TRPM4: variants seen among roughly 807,000 people sequenced by gnomAD.
TRPM4 encodes transient receptor potential cation channel subfamily M member 4.
A neutral mutation model predicts 135.6 loss-of-function variants in TRPM4; 124 were observed. The ratio of observed to expected loss-of-function variants is 0.91; its 90% confidence interval spans 0.79 to 1.06. The LOEUF is 1.06. Ranked by LOEUF, TRPM4 falls within the 50% of genes least tolerant of loss-of-function variation. The probability of loss-of-function intolerance (pLI) is 0.00; values close to 1 mark genes in which losing one functional copy is unlikely to be tolerated. For missense variants in TRPM4, 1,658 were observed against 1,671.4 expected (o/e 0.99, Z 0.14); for synonymous variants, 745 against 705.6 (o/e 1.06, Z -0.88).
intron 3 of TRPM4, 118 bp downstream of exon 3, chr19:49,166,333 C>T (rs1367808971): frequency 2.7e-6 from 3 of 1,094,006 alleles, no homozygotes; most frequent in South Asian, 1.6e-5. Flanking sequence ...CCTGTCTTGG[C>T]TCTCTTTGTC....
At chr19:49,205,484 TA>T (rs1568493881) in intron 20 of TRPM4, among the ~76,000 whole-genome samples, 1 of 151,644 alleles carries the variant, frequency 6.6e-6, no homozygotes, top group Non-Finnish European at 1.5e-5. Flanking sequence ...ATAAAAAATT[TA>T]AAAAGGTCTC....
At chr19:49,178,216 G>A (rs1050296392) in intron 9 of TRPM4, among the ~76,000 whole-genome samples, 1 of 152,070 alleles carries the variant, frequency 6.6e-6, no homozygotes, top group Admixed American at 6.6e-5. Context: ...CCAGCTACTC[G>A]GGAGGCTGAG....
At chr19:49,179,966 G>A (rs7251351) in intron 9 of TRPM4, among the ~76,000 whole-genome samples, 50,928 of 151,898 alleles carry the variant, frequency 0.34, 8,816 homozygotes, top group African/African-American at 0.41. Flanking sequence ...AATAGATGAG[G>A]AAACTGAGGC....
At chr19:49,169,811 G>T (rs943753282) in intron 6 of TRPM4, among the ~76,000 whole-genome samples, 3 of 152,112 alleles carry the variant, frequency 2.0e-5, no homozygotes, top group African/African-American at 4.8e-5. Context: ...ACCTGCCTCA[G>T]CCTCCCAAAG....
chr19:49,163,248 T>A (rs909787272), intron 2 of TRPM4, among the ~76,000 whole-genome samples: 1 of 150,918 alleles, frequency 6.6e-6, no homozygotes, highest in Non-Finnish European at 1.5e-5. Context: ...CAGGCTGGAG[T>A]GCAGTGGCAC....
chr19:49,200,161 T>C, intron 17 of TRPM4, 139 bp from the exon 18 acceptor site: 2 of 1,327,668 alleles, frequency 1.5e-6, no homozygotes, highest in Non-Finnish European at 2.1e-6. Context: ...TAAATTTGAG[T>C]AAACCCCGGG....
At chr19:49,163,410 G>T (rs1967046061) in intron 2 of TRPM4, among the ~76,000 whole-genome samples, 1 of 151,490 alleles carries the variant, frequency 6.6e-6, no homozygotes, top group Admixed American at 6.6e-5. Flanking sequence ...TGGCCAGGCT[G>T]GTCTCGAACT....
At position 49,196,885 on chromosome 19, in the gene TRPM4, CG is replaced by C; in HGVS notation, c.2645+15del. 6.4e-7 allele frequency: 1 copy of C among 1,568,206 alleles called. No individual in the cohort carries two copies. The highest frequency in any genetic ancestry group is 1.8e-5 in the Admixed American group (1 of 56,040). On this transcript the variant is annotated intron_variant, in intron 17 of 24. Transcript: ENST00000252826. ...GGGCGTGGGCTGCCGGTGAGTGCCCCGGGGCCTTGGAACCCTGGCCCCTGGC... is the reference window on the plus strand; with the variant it reads ...GGGCGTGGGCTGCCGGTGAGTGCCCCGGGCCTTGGAACCCTGGCCCCTGGC...
intron 9 of TRPM4, among the ~76,000 whole-genome samples, chr19:49,173,854 C>T (rs928540310): frequency 5.9e-5 from 9 of 151,844 alleles, no homozygotes; most frequent in African/African-American, 1.5e-4. Context: ...TTTTTTTGTA[C>T]AGACGAGGTC....
At chr19:49,195,382 A>C (rs939943252) in intron 16 of TRPM4, among the ~76,000 whole-genome samples, 23 of 150,780 alleles carry the variant, frequency 1.5e-4, no homozygotes, top group African/African-American at 1.2e-4. Context: ...TTATTTTTTT[A>C]TTTTTTGAGA....
intron 19 of TRPM4, among the ~76,000 whole-genome samples, chr19:49,201,414 A>G (rs539327276): frequency 5.5e-4 from 84 of 152,368 alleles, no homozygotes; most frequent in African/African-American, 2.0e-3. Flanking sequence ...TTGAACCAGT[A>G]TAAGTATGTC....
chr19:49,200,592 C>G lies in TRPM4; in HGVS notation c.2779-19C>G. Reference sequence around the variant, plus strand: ...GAGTAGGAAAGGGCGGGGCCAGACTCAGCCACATCTCCCCACAGATGAAGG... The same window carrying G: ...GAGTAGGAAAGGGCGGGGCCAGACTGAGCCACATCTCCCCACAGATGAAGG... On this transcript the variant is annotated intron_variant, in intron 18 of 24. Transcript: ENST00000252826. The G allele has an allele frequency of 1.2e-6, 2 of 1,610,704 alleles. No individual in the cohort carries two copies. The highest frequency in any genetic ancestry group is 1.7e-6 in the Non-Finnish European group (2 of 1,179,976).
At position 49,171,275 on chromosome 19, in the gene TRPM4, G is replaced by T; in HGVS notation, c.797-82G>T. 1.4e-6 allele frequency: 2 copies of T among 1,467,746 alleles called. No individual in the cohort carries two copies. The highest frequency in any genetic ancestry group is 1.1e-5 in the South Asian group (1 of 88,032). The allele number at this position is 1,467,746 out of a possible 1,614,324, so 90.9% of individuals were successfully genotyped here. ...GATTAGGACAAGGCTGATGTTTGCC[G>T]ACTCCTGGGAAATGCGGTTTTCTCC... On this transcript the variant is annotated intron_variant, in intron 6 of 24. Transcript: ENST00000252826. This position sits in a 1 kb window ranked among gnomAD's most constrained non-coding sequence, Gnocchi z 4.7.
chr19:49,182,169 CATCT>C (rs772311053), intron 10 of TRPM4, among the ~76,000 whole-genome samples: 1 of 149,756 alleles, frequency 6.7e-6, no homozygotes, highest in East Asian at 2.0e-4. Flanking sequence ...TCCATCCATC[CATCT>C]ACCTATCCAT....
At chr19:49,188,905 T>C (rs1968302924) in intron 13 of TRPM4, 41 bp from the exon 14 acceptor site, 2 of 1,613,814 alleles carry the variant, frequency 1.2e-6, no homozygotes, top group South Asian at 1.1e-5. Flanking sequence ...CTCACCCTAC[T>C]CCTTCCCATC....
intron 9 of TRPM4, 105 bp from the exon 10 acceptor site, chr19:49,181,244 A>G (rs1311327963): frequency 2.4e-6 from 2 of 849,576 alleles, no homozygotes; most frequent in East Asian, 4.9e-5. Context: ...CAACCCCTTT[A>G]TGCAGAGTTT....
chr19:49,200,445 C>T lies in TRPM4; in HGVS notation c.2778+13C>T, dbSNP rs778411773. On this transcript the variant is annotated intron_variant, in intron 18 of 24. Coordinates refer to ENST00000252826, the MANE Select transcript of TRPM4 (RefSeq NM_017636.4). The stretch of plus-strand genomic sequence containing the variant: ...CGTGAGCAAGATGGTGAGGCAGGGG[C>T]GGGGCCAAAGTGGGCGGGGACATAG... The T allele has an allele frequency of 4.9e-6, 4 of 823,754 alleles. No homozygotes were observed. Among genetic ancestry groups the T allele is most frequent in the Admixed American group, 4.8e-5 (2 of 41,924 alleles). 51.0% of individuals were successfully genotyped at this position (823,754 alleles called of 1,614,324 possible).
chr19:49,210,574 G>A lies in TRPM4; in HGVS notation c.3329-136G>A. ...AAGCACTGAGGGGCAGTGCTTACGGGTGAGGGGCGGGGCATGTTCTCGAAT... is the reference window on the plus strand; with the variant it reads ...AAGCACTGAGGGGCAGTGCTTACGGATGAGGGGCGGGGCATGTTCTCGAAT... On this transcript the variant is annotated intron_variant, in intron 21 of 24. Coordinates refer to ENST00000252826, the MANE Select transcript of TRPM4 (RefSeq NM_017636.4). The surrounding 1 kb of genome is among the most constrained non-coding windows in gnomAD (Gnocchi z 4.1). 1.4e-6 allele frequency: 2 copies of A among 1,468,468 alleles called. No individual in the cohort carries two copies. Among genetic ancestry groups the A allele is most frequent in the African/African-American group, 1.4e-5 (1 of 72,402 alleles). 91.0% of individuals were successfully genotyped at this position (1,468,468 alleles called of 1,614,324 possible).
intron 12 of TRPM4, among the ~76,000 whole-genome samples, chr19:49,185,246 G>C (rs1487355430): frequency 6.6e-6 from 1 of 150,804 alleles, no homozygotes; most frequent in Non-Finnish European, 1.5e-5. Context: ...TTATTTATTT[G>C]TTGTTCTTGT....
Sources: allele counts gnomAD v4.1 joint callset (sites outside exome capture counted in the v4.1 genomes callset), GRCh38; gene constraint gnomAD v4.1.1; non-coding constraint Gnocchi (gnomAD v3.1); transcripts MANE v1.5; gene names NCBI Gene and HGNC (gene_info 2026-07-23, HGNC 2026-07-21).